The following ADAMTSL1 variants were observed in gnomAD, a reference collection of about 807,000 sequenced individuals.
ADAMTSL1 encodes ADAMTS-like protein 1.
Under a neutral mutation model 201.8 loss-of-function variants are expected in ADAMTSL1, and 126 were observed. The ratio of observed to expected loss-of-function variants is 0.62; its 90% CI spans 0.54 to 0.72. The LOEUF is 0.72. ADAMTSL1 is among the 30% of genes least tolerant of loss of function. ADAMTSL1 has a pLI of 0.00. For synonymous variants in ADAMTSL1, 1,121 were observed against 903.4 expected (o/e 1.24, Z -4.32); for missense variants, 2,679 against 2,277.8 (o/e 1.18, Z -3.59).
intron 1 of ADAMTSL1, among the ~76,000 whole-genome samples, chr9:18,078,795 A>C (rs1273983274): frequency 1.3e-5 from 2 of 152,142 alleles, no homozygotes; most frequent in Non-Finnish European, 1.5e-5. Context: ...TTGCCTTCCC[A>C]GTTGGTTTGT....
intron 4 of ADAMTSL1, among the ~76,000 whole-genome samples, chr9:18,582,517 A>T (rs984421563): frequency 6.6e-6 from 1 of 152,134 alleles, no homozygotes; most frequent in African/African-American, 2.4e-5. Flanking sequence ...TCTTCTCATG[A>T]TAGTGAATGA....
intron 3 of ADAMTSL1, among the ~76,000 whole-genome samples, chr9:18,535,289 T>C (rs955730329): frequency 6.6e-6 from 1 of 152,206 alleles, no homozygotes; most frequent in African/African-American, 2.4e-5. Context: ...TTTGCTTTAC[T>C]TCCCAACAAG....
intron 4 of ADAMTSL1, among the ~76,000 whole-genome samples, chr9:18,591,742 T>C (rs567859174): frequency 2.6e-5 from 4 of 152,298 alleles, no homozygotes; most frequent in Admixed American, 6.5e-5. Context: ...GCCATTACAA[T>C]CAGTACATTT....
intron 1 of ADAMTSL1, among the ~76,000 whole-genome samples, chr9:17,978,034 C>T (rs562677812): frequency 1.3e-5 from 2 of 151,918 alleles, no homozygotes; most frequent in African/African-American, 4.8e-5. Flanking sequence ...TTAATTGACC[C>T]CTTTAAAAAA....
intron 2 of ADAMTSL1, among the ~76,000 whole-genome samples, chr9:18,510,262 G>C (rs1042440269): frequency 1.3e-5 from 2 of 152,144 alleles, no homozygotes; most frequent in African/African-American, 2.4e-5. Context: ...TCAACTTCTG[G>C]AGTTAATTTT....
intron 1 of ADAMTSL1, among the ~76,000 whole-genome samples, chr9:17,982,750 A>C (rs1346583661): frequency 6.6e-6 from 1 of 152,182 alleles, no homozygotes; most frequent in African/African-American, 2.4e-5. Flanking sequence ...TAAAATATTA[A>C]AGGGAATCAC....
chr9:18,762,940 T>C (rs1362237297), intron 16 of ADAMTSL1, among the ~76,000 whole-genome samples: 1 of 152,196 alleles, frequency 6.6e-6, no homozygotes, highest in Non-Finnish European at 1.5e-5. Flanking sequence ...TTAGCTATTG[T>C]AAAGAATATA....
chr9:18,839,280 G>A (rs960073441), intron 23 of ADAMTSL1, among the ~76,000 whole-genome samples: 15 of 147,478 alleles, frequency 1.0e-4, no homozygotes, highest in African/African-American at 1.5e-4. Context: ...GAGAACATGC[G>A]GTGTTTGGTT....
intron 2 of ADAMTSL1, among the ~76,000 whole-genome samples, chr9:18,197,499 A>T (rs1829232267): frequency 1.1e-5 from 1 of 92,280 alleles, no homozygotes. Context: ...TTGGTGTATA[A>T]GAATGCTTGT....
At chr9:18,688,689 A>AAATATAT (rs1554730404) in intron 13 of ADAMTSL1, among the ~76,000 whole-genome samples, 5 of 8,650 alleles carry the variant, frequency 5.8e-4, no homozygotes, top group South Asian at 6.6e-3. Flanking sequence ...AAAAAAAAAA[A>AAATATAT]ATATATATAT....
chr9:18,418,237 C>T (rs117847287), intron 2 of ADAMTSL1, among the ~76,000 whole-genome samples: 5,311 of 152,194 alleles, frequency 0.035, 137 homozygotes, highest in Non-Finnish European at 0.049. Flanking sequence ...ACCAAACAAA[C>T]AAAAAGTCAC....
intron 2 of ADAMTSL1, among the ~76,000 whole-genome samples, chr9:18,370,627 C>G (rs1837002258): frequency 6.6e-6 from 1 of 150,892 alleles, no homozygotes; most frequent in Non-Finnish European, 1.5e-5. Flanking sequence ...TATATCTAAG[C>G]AGTATGTCCC....
At chr9:18,727,805 C>T (rs1303343627) in intron 15 of ADAMTSL1, among the ~76,000 whole-genome samples, 1 of 152,142 alleles carries the variant, frequency 6.6e-6, no homozygotes, top group Admixed American at 6.5e-5. Context: ...TGCGGCTGGG[C>T]ACAGTGGCTC....
intron 16 of ADAMTSL1, among the ~76,000 whole-genome samples, chr9:18,760,980 G>A (rs1013994999): frequency 2.6e-5 from 4 of 152,192 alleles, no homozygotes; most frequent in African/African-American, 7.2e-5. Flanking sequence ...TCACTGGACT[G>A]CAAATATCTG....
intron 1 of ADAMTSL1, among the ~76,000 whole-genome samples, chr9:18,152,113 G>A (rs2132047647): frequency 6.6e-6 from 1 of 152,158 alleles, no homozygotes; most frequent in African/African-American, 2.4e-5. Context: ...ATTTACACAT[G>A]AAGGACCTAA....
chr9:17,930,060 C>A (rs959504243), intron 1 of ADAMTSL1, among the ~76,000 whole-genome samples: 4 of 152,160 alleles, frequency 2.6e-5, no homozygotes, highest in Non-Finnish European at 5.9e-5. Flanking sequence ...TTATTAATTA[C>A]AGCAGCACCT....
chr9:18,129,389 G>A (rs1825859146), intron 1 of ADAMTSL1, among the ~76,000 whole-genome samples: 1 of 152,162 alleles, frequency 6.6e-6, no homozygotes, highest in African/African-American at 2.4e-5. Flanking sequence ...GGGAGTAATG[G>A]TTCTTTCAAG....
In ADAMTSL1 at chr9:18,125,522, A is replaced by T. The variant is rs1192708702; in HGVS notation, c.88-38340A>T. ...ACCTAATCCAAGGTCATGAAAATTTATACATATGTTTTCTTCTAAGAGTTT... is the reference window on the plus strand; with the variant it reads ...ACCTAATCCAAGGTCATGAAAATTTTTACATATGTTTTCTTCTAAGAGTTT... On this transcript the variant is annotated intron_variant, in intron 1 of 29. Coordinates refer to the ADAMTSL1 transcript ENST00000680146. 2.6e-5 allele frequency among the ~76,000 whole-genome samples: 4 copies of T among 152,162 alleles called. No homozygotes were observed. In the East Asian group the frequency reaches 7.7e-4, roughly 29 times the overall value.
intron 2 of ADAMTSL1, among the ~76,000 whole-genome samples, chr9:18,172,514 C>T (rs976547136): frequency 7.9e-5 from 12 of 152,064 alleles, no homozygotes; most frequent in South Asian, 2.1e-4. Flanking sequence ...TTATGAGAAG[C>T]ACTCCTATAC....
Sources: allele counts gnomAD v4.1 joint callset (sites outside exome capture counted in the v4.1 genomes callset), GRCh38; gene constraint gnomAD v4.1.1; transcripts MANE v1.5; gene names NCBI Gene and HGNC (gene_info 2026-07-23, HGNC 2026-07-21).